Variants in GM2A observed in about 807,000 individuals in gnomAD.
GM2A encodes the protein ganglioside GM2 activator.
GM2A carries 7 observed loss-of-function variants against 12.9 expected under a neutral mutation model. The observed-to-expected ratio is 0.54, with a 90% CI of 0.31 to 1.02. The LOEUF (loss-of-function observed/expected upper bound fraction) is 1.02. GM2A is among the 50% of genes least tolerant of loss of function. GM2A has a pLI of 0.05. For missense variants in GM2A, 246 were observed against 241.0 expected, an observed-to-expected ratio of 1.02 and a Z score of -0.14; for synonymous variants, 101 against 96.0, an observed-to-expected ratio of 1.05 and a Z score of -0.30.
At chr5:151,260,744 C>T (rs748732851) in intron 2 of GM2A, among the ~76,000 whole-genome samples, 8 of 152,172 alleles carry the variant, frequency 5.3e-5, no homozygotes, top group Non-Finnish European at 1.2e-4. Flanking sequence ...ACATAACACA[C>T]ATATTTATTT....
In GM2A at chr5:151,269,380, C is replaced by T; in HGVS notation, c.*1929C>T. ...GCCGAGGTGATTCCAGGGACGGACC[C>T]TTCTGCAGGAGCTTGAGCTTGCTTG... On this transcript the variant is annotated 3_prime_UTR_variant, in exon 4 of 4. Coordinates refer to ENST00000357164, the MANE Select transcript of GM2A (RefSeq NM_000405.5). 1.0e-6 allele frequency: 1 copy of T among 985,420 alleles called. No homozygotes were observed. Among genetic ancestry groups the T allele is most frequent in the Non-Finnish European group, 1.2e-6 (1 of 829,956 alleles). The allele number at this position is 985,420 out of a possible 1,614,324, so 61.0% of individuals were successfully genotyped here. A position where few individuals can be genotyped will look rare whatever the true frequency, so the allele number is the denominator to read the frequency against.
rs200150752 is a variant in GM2A at position 151,270,168 on chromosome 5, A to T, written c.*2717A>T. Reference sequence around the variant, plus strand: ...ATCGCAGGTCAAAGCAGACTTTAATAAATGGTGCTGAGCCAACTGGAAAGC... The same window carrying T: ...ATCGCAGGTCAAAGCAGACTTTAATTAATGGTGCTGAGCCAACTGGAAAGC... On this transcript the variant is annotated 3_prime_UTR_variant, in exon 4 of 4. Transcript: ENST00000357164. 2.3e-6 allele frequency: 2 copies of T among 853,390 alleles called. No homozygotes were observed. The highest frequency in any genetic ancestry group is 2.9e-6 in the Non-Finnish European group (2 of 697,350). The allele number at this position is 853,390 out of a possible 1,614,324, so 52.9% of individuals were successfully genotyped here.
At chr5:151,258,475 C>T (rs1392319876) in intron 1 of GM2A, among the ~76,000 whole-genome samples, 1 of 152,232 alleles carries the variant, frequency 6.6e-6, no homozygotes, top group Non-Finnish European at 1.5e-5. Context: ...AGCTGTCATT[C>T]ACCCATGTCT....
chr5:151,254,962 T>C (rs1753656723), intron 1 of GM2A, among the ~76,000 whole-genome samples: 1 of 152,138 alleles, frequency 6.6e-6, no homozygotes, highest in South Asian at 2.1e-4. Context: ...ACATTTCACA[T>C]TGCAGTGTAC....
chr5:151,267,469 C>T lies in GM2A; in HGVS notation c.*18C>T, dbSNP rs1753913573. 2 of 1,613,990 alleles carry T rather than the reference C, an allele frequency of 1.2e-6. No homozygotes were observed. Among genetic ancestry groups the T allele is most frequent in the Non-Finnish European group, 1.7e-6 (2 of 1,179,972 alleles). ...GCATATAACATGGCATCTGCCACAGCAGAATGGAGCGGTGTGAGGAAGGTC... is the reference window on the plus strand; with the variant it reads ...GCATATAACATGGCATCTGCCACAGTAGAATGGAGCGGTGTGAGGAAGGTC... On this transcript the variant is annotated 3_prime_UTR_variant, in exon 4 of 4. Coordinates refer to ENST00000357164, the MANE Select transcript of GM2A (RefSeq NM_000405.5).
intron 1 of GM2A, among the ~76,000 whole-genome samples, chr5:151,258,283 G>T (rs925981596): frequency 6.6e-6 from 1 of 152,228 alleles, no homozygotes; most frequent in Non-Finnish European, 1.5e-5. Context: ...CCCGTGTTGT[G>T]CCTGGCATTG....
At chr5:151,262,494 T>C (rs1430407134) in intron 2 of GM2A, among the ~76,000 whole-genome samples, 1 of 152,242 alleles carries the variant, frequency 6.6e-6, no homozygotes, top group Non-Finnish European at 1.5e-5. Flanking sequence ...TTTTATATCT[T>C]GTGAACATTT....
intron 2 of GM2A, among the ~76,000 whole-genome samples, chr5:151,263,746 G>A (rs538903037): frequency 6.6e-6 from 1 of 152,248 alleles, no homozygotes; most frequent in Non-Finnish European, 1.5e-5. Flanking sequence ...GGATGAGCCT[G>A]GAGCACTCTT....
chr5:151,267,259 G>A, intron 3 of GM2A, 37 bp from the exon 4 acceptor site: 1 of 1,613,886 alleles, frequency 6.2e-7, no homozygotes. Flanking sequence ...CCATCAGTAG[G>A]CTCCCACTGA....
chr5:151,262,490 A>G (rs530450750), intron 2 of GM2A, among the ~76,000 whole-genome samples: 12 of 152,230 alleles, frequency 7.9e-5, no homozygotes, highest in Non-Finnish European at 1.8e-4. Context: ...TACATTTTAT[A>G]TCTTGTGAAC....
chr5:151,263,572 T>C (rs1323555403), intron 2 of GM2A, among the ~76,000 whole-genome samples: 1 of 152,254 alleles, frequency 6.6e-6, no homozygotes. Flanking sequence ...ACAAGGCTGG[T>C]ATGTTTATCT....
intron 2 of GM2A, among the ~76,000 whole-genome samples, chr5:151,266,410 G>T (rs1753885095): frequency 6.9e-6 from 1 of 144,936 alleles, no homozygotes; most frequent in Non-Finnish European, 1.5e-5. Flanking sequence ...CTGAGCCCAG[G>T]AGTTTGAGGC....
At chr5:151,264,825 C>CA (rs2127239069) in intron 2 of GM2A, among the ~76,000 whole-genome samples, 1 of 152,132 alleles carries the variant, frequency 6.6e-6, no homozygotes, top group South Asian at 2.1e-4. Context: ...ACTAAAAATA[C>CA]AAAAACATTA....
At chr5:151,258,115 T>A (rs1342499089) in intron 1 of GM2A, among the ~76,000 whole-genome samples, 2 of 152,226 alleles carry the variant, frequency 1.3e-5, no homozygotes, top group African/African-American at 4.8e-5. Flanking sequence ...TGTCCTGCCT[T>A]TCTTAGTCAT....
chr5:151,259,000 C>T (rs976161792), intron 1 of GM2A, among the ~76,000 whole-genome samples: 1 of 152,052 alleles, frequency 6.6e-6, no homozygotes, highest in African/African-American at 2.4e-5. Context: ...CATGCAGTCA[C>T]ATGCAGATGT....
Position 151,268,229 on chromosome 5 carries a change from C to T in GM2A, c.*778C>T, listed in dbSNP as rs2127242291. The T allele has an allele frequency of 1.6e-6, 1 of 631,788 alleles. No homozygotes were observed. The highest frequency in any genetic ancestry group is 2.0e-6 in the Non-Finnish European group (1 of 507,648). 39.1% of individuals were successfully genotyped at this position (631,788 alleles called of 1,614,324 possible). A position where few individuals can be genotyped will look rare whatever the true frequency, so the allele number is the denominator to read the frequency against. On this transcript the variant is annotated 3_prime_UTR_variant, in exon 4 of 4. Transcript: ENST00000357164. ...GGAGTGCAGTGGTGCAATCTCACCT[C>T]ACTGCAACCTCCGCCTCCTGGGTTC... is the stretch of plus-strand genomic sequence containing the variant.
In GM2A at chr5:151,270,108, G is replaced by A; in HGVS notation, c.*2657G>A. ...TCATATGTTCCGTGAGGTTTCTTAG[G>A]GGTGGGGGATGAGGAGTTAAAGGTG... On this transcript the variant is annotated 3_prime_UTR_variant, in exon 4 of 4. Transcript: ENST00000357164. 7.3e-6 allele frequency: 9 copies of A among 1,231,354 alleles called. No homozygotes were observed. Among genetic ancestry groups the A allele is most frequent in the Non-Finnish European group, 9.1e-6 (9 of 987,900 alleles). 76.3% of individuals were successfully genotyped at this position (1,231,354 alleles called of 1,614,324 possible).
intron 2 of GM2A, among the ~76,000 whole-genome samples, chr5:151,264,085 T>C (rs890003585): frequency 2.0e-5 from 3 of 152,158 alleles, no homozygotes; most frequent in Non-Finnish European, 4.4e-5. Flanking sequence ...ACCCTGGTTT[T>C]CCCATCCTCA....
rs1035510609 is a variant in GM2A, at chr5:151,267,801, C to T, written c.*350C>T. 1.3e-5 allele frequency: 16 copies of T among 1,190,320 alleles called. No homozygotes were observed. In the Admixed American group the frequency reaches 5.2e-4, roughly 38 times the overall value. 73.7% of individuals were successfully genotyped at this position (1,190,320 alleles called of 1,614,324 possible). ...TAGGACCTGAAGAATCTTTATGACT[C>T]TCTCTCTTTCACTCTTTTTTTTTTT... On this transcript the variant is annotated 3_prime_UTR_variant, in exon 4 of 4. Transcript: ENST00000357164.
Sources: allele counts gnomAD v4.1 joint callset (sites outside exome capture counted in the v4.1 genomes callset), GRCh38; gene constraint gnomAD v4.1.1; transcripts MANE v1.5; gene names NCBI Gene and HGNC (gene_info 2026-07-23, HGNC 2026-07-21).